The following BMP2K variants were observed in gnomAD, a reference collection of about 807,000 sequenced individuals.
BMP2K encodes BMP2 inducible kinase.
In BMP2K, 74 loss-of-function variants were observed where a neutral mutation model predicts 116.0. The ratio of observed to expected loss-of-function variants is 0.64; its 90% confidence interval spans 0.53 to 0.77. The LOEUF (loss-of-function observed/expected upper bound fraction) is 0.77, where lower values mean the gene tolerates loss of function less well. Ranked by LOEUF, BMP2K falls within the 30% of genes least tolerant of loss-of-function variation. BMP2K has a pLI of 0.00. For synonymous variants in BMP2K, 486 were observed against 502.5 expected, an observed-to-expected ratio of 0.97 and a Z score of 0.44; for missense variants, 1,365 against 1,403.6, an observed-to-expected ratio of 0.97 and a Z score of 0.44.
chr4:78,865,442 A>C, intron 9 of BMP2K, 115 bp from the exon 10 acceptor site: 7 of 928,760 alleles, frequency 7.5e-6, no homozygotes, highest in Non-Finnish European at 1.1e-5. Flanking sequence ...GATGAGGACT[A>C]ATGCGATTAT....
intron 10 of BMP2K, among the ~76,000 whole-genome samples, chr4:78,868,938 G>T (rs1732198408): frequency 6.6e-6 from 1 of 152,132 alleles, no homozygotes; most frequent in Non-Finnish European, 1.5e-5. Context: ...GGCGCATGTT[G>T]CAAGCTGTAG....
intron 15 of BMP2K, among the ~76,000 whole-genome samples, chr4:78,909,767 AT>A (rs1734485111): frequency 6.6e-6 from 1 of 152,098 alleles, no homozygotes; most frequent in Non-Finnish European, 1.5e-5. Flanking sequence ...ACTAGTCACA[AT>A]TTATGTTTAC....
chr4:78,913,396 TAG>T lies in BMP2K; in HGVS notation c.*1367_*1368del, dbSNP rs1734775603. On this transcript the variant is annotated 3_prime_UTR_variant, in exon 16 of 16. Coordinates refer to ENST00000502613, the MANE Select transcript of BMP2K (RefSeq NM_198892.2). ...AGGTTTTATAGAAATCATTTAATGA[TAG>T]AGATTACATATGTGAATTAATGTGA... 6.6e-6 allele frequency: 1 copy of T among 152,198 alleles called. No homozygotes were observed. Among genetic ancestry groups the T allele is most frequent in the Admixed American group, 6.5e-5 (1 of 15,276 alleles). The allele number at this position is 152,198 out of a possible 1,614,324, so 9.4% of individuals were successfully genotyped here. A position where few individuals can be genotyped will look rare whatever the true frequency, so the allele number is the denominator to read the frequency against.
intron 1 of BMP2K, among the ~76,000 whole-genome samples, chr4:78,804,576 T>C (rs1188902223): frequency 6.6e-6 from 1 of 152,186 alleles, no homozygotes; most frequent in Admixed American, 6.5e-5. Context: ...TTCCAATTTC[T>C]TCATATCCTT....
chr4:78,878,781 A>C lies in BMP2K; in HGVS notation c.1841A>C (p.Asn614Thr). The change falls in exon 14 of 16, where the codon AAC becomes ACC. Residue 614 changes from asparagine to threonine, a missense_variant. Transcript: ENST00000502613. ...EAIANFTNQK[N>T]ISNPPDMSGW... ...ATTGCAAATTTCACAAATCAGAAGA[A>C]CATCAGCAATCCACCTGATATGTCA... The C allele has an allele frequency of 6.2e-7, 1 of 1,613,110 alleles. No individual in the cohort carries two copies. Among genetic ancestry groups the C allele is most frequent in the Non-Finnish European group, 8.5e-7 (1 of 1,179,736 alleles).
At chr4:78,891,119 A>T (rs967539351) in intron 15 of BMP2K, among the ~76,000 whole-genome samples, 3 of 152,200 alleles carry the variant, frequency 2.0e-5, no homozygotes, top group Non-Finnish European at 4.4e-5. Flanking sequence ...TGGCAGGGCA[A>T]ATAATTTTAG....
intron 1 of BMP2K, among the ~76,000 whole-genome samples, chr4:78,791,993 A>G (rs1728025124): frequency 1.3e-5 from 2 of 152,168 alleles, no homozygotes; most frequent in Non-Finnish European, 2.9e-5. Context: ...TGATAATTCT[A>G]TGTTTAATGT....
At chr4:78,863,827 CTTA>C (rs1009461339) in intron 9 of BMP2K, among the ~76,000 whole-genome samples, 1 of 152,138 alleles carries the variant, frequency 6.6e-6, no homozygotes, top group African/African-American at 2.4e-5. Context: ...TAAAGTCAAA[CTTA>C]TTATGAAAAT....
chr4:78,804,682 ATGT>A (rs1728734828), intron 1 of BMP2K, among the ~76,000 whole-genome samples: 1 of 149,222 alleles, frequency 6.7e-6, no homozygotes, highest in African/African-American at 2.5e-5. Flanking sequence ...CTAATGACTG[ATGT>A]TGAGCATCTT....
chr4:78,786,704 G>A (rs1727749067), intron 1 of BMP2K, among the ~76,000 whole-genome samples: 1 of 152,084 alleles, frequency 6.6e-6, no homozygotes, highest in Non-Finnish European at 1.5e-5. Flanking sequence ...ATTTAAAATA[G>A]TTACTTTTTT....
At chr4:78,817,565 C>T (rs780256028) in intron 1 of BMP2K, among the ~76,000 whole-genome samples, 3 of 152,198 alleles carry the variant, frequency 2.0e-5, no homozygotes, top group African/African-American at 4.8e-5. Context: ...AGGTACACCA[C>T]TCTGCCAGTA....
intron 1 of BMP2K, among the ~76,000 whole-genome samples, chr4:78,818,284 C>T (rs946412249): frequency 1.3e-5 from 2 of 152,118 alleles, no homozygotes; most frequent in East Asian, 1.9e-4. Flanking sequence ...TACCCAGTCA[C>T]GGGATTGCTG....
Position 78,911,235 on chromosome 4 carries a change from T to C in BMP2K, c.2688T>C (p.Asp896=). The C allele has an allele frequency of 6.2e-7, 1 of 1,613,996 alleles. No individual in the cohort carries two copies. Among genetic ancestry groups the C allele is most frequent in the Non-Finnish European group, 8.5e-7 (1 of 1,179,880 alleles). ...PAAGLEQEEF[D]VFTKAPFSKK... is the part of the protein sequence containing the mutation. The stretch of plus-strand genomic sequence containing the variant: ...CAGGACTGGAGCAGGAGGAATTTGA[T>C]GTATTCACAAAGGCGCCTTTTAGCA... Residue 896 remains aspartate (D), a synonymous_variant, in exon 16 of 16, where the codon GAT becomes GAC. Transcript: ENST00000502613.
At chr4:78,811,065 T>A (rs914520202) in intron 1 of BMP2K, among the ~76,000 whole-genome samples, 2 of 152,236 alleles carry the variant, frequency 1.3e-5, no homozygotes, top group Non-Finnish European at 2.9e-5. Context: ...TACTACTTTT[T>A]CAGTGATACC....
At position 78,911,714 on chromosome 4, in the gene BMP2K, G is replaced by A; in HGVS notation, c.3167G>A (p.Gly1056Glu). 1 of 1,613,914 alleles carries A rather than the reference G, an allele frequency of 6.2e-7. No individual in the cohort carries two copies. Among genetic ancestry groups the A allele is most frequent in the Non-Finnish European group, 8.5e-7 (1 of 1,179,856 alleles). ...GCACTGACTGATGGGAAAGATAGGG[G>A]GAATGTCTTACAACCTGAGGAGAGC... ...SVALTDGKDR[G>E]NVLQPEESLL... Residue 1056 changes from glycine (G) to glutamate (E), a missense_variant, in exon 16 of 16, where the codon GGG becomes GAG. Physicochemically the swap from Gly to Glu is moderately conservative, Grantham distance 98. Transcript: ENST00000502613.
rs1373629509 is a variant in BMP2K at position 78,818,815 on chromosome 4, G to A, written c.179-7222G>A. On this transcript the variant is annotated intron_variant, in intron 1 of 15. Coordinates refer to ENST00000502613, the MANE Select transcript of BMP2K (RefSeq NM_198892.2). Reference sequence around the variant, plus strand: ...GTTTTTTTTTTTTTTTTTTCTTCCTGAGACAGAGTCTTGCTTTGTCGCCCA... The same window carrying A: ...GTTTTTTTTTTTTTTTTTTCTTCCTAAGACAGAGTCTTGCTTTGTCGCCCA... 1.9e-4 allele frequency among the ~76,000 whole-genome samples: 24 copies of A among 125,212 alleles called. No homozygotes were observed. In the Admixed American group the frequency reaches 2.0e-3, roughly 10 times the overall value. The allele number at this position is 125,212 out of a possible 152,430, so 82.1% of individuals were successfully genotyped here.
At chr4:78,801,816 C>T (rs1728581588) in intron 1 of BMP2K, among the ~76,000 whole-genome samples, 1 of 152,082 alleles carries the variant, frequency 6.6e-6, no homozygotes, top group Admixed American at 6.6e-5. Flanking sequence ...GAGGATATGC[C>T]ATTGTTCTTA....
At chr4:78,850,884 A>G (rs777696060) in intron 6 of BMP2K, 40 bp from the exon 7 acceptor site, 46 of 1,596,050 alleles carry the variant, frequency 2.9e-5, no homozygotes, top group Middle Eastern at 3.5e-4. Context: ...TGTCTTGTTA[A>G]CTTGAGCTCT....
chr4:78,777,341 C>CTAT (rs1727296459), intron 1 of BMP2K, among the ~76,000 whole-genome samples: 1 of 152,204 alleles, frequency 6.6e-6, no homozygotes, highest in African/African-American at 2.4e-5. Context: ...GGACAAGGTG[C>CTAT]TATTCATGCC....
Sources: gnomAD v4.1 joint callset for allele counts (sites outside exome capture counted in the v4.1 genomes callset) on GRCh38, gnomAD v4.1.1 for gene constraint, MANE v1.5 for transcripts, NCBI Gene and HGNC (gene_info 2026-07-23, HGNC 2026-07-21) for gene names.